Variants in HS2ST1 observed in about 807,000 individuals in gnomAD.
HS2ST1 encodes the protein heparan sulfate 2-O-sulfotransferase 1, also known as 2-O-sulfotransferase.
HS2ST1 carries 18 observed loss-of-function variants against 42.9 expected under a neutral mutation model. The ratio of observed to expected loss-of-function variants is 0.42; its 90% confidence interval spans 0.29 to 0.62. HS2ST1 has a LOEUF of 0.62. Among genes scored for constraint, HS2ST1 ranks in the 20% least tolerant of loss-of-function variants. The probability of loss-of-function intolerance (pLI) is 0.21; values close to 1 mark genes in which losing one functional copy is unlikely to be tolerated. For missense variants in HS2ST1, 334 were observed against 433.8 expected (o/e 0.77, Z 2.04); for synonymous variants, 146 against 152.9 (o/e 0.95, Z 0.33).
intron 1 of HS2ST1, among the ~76,000 whole-genome samples, chr1:87,023,095 A>G (rs990213259): frequency 1.3e-5 from 2 of 152,244 alleles, no homozygotes; most frequent in East Asian, 1.9e-4. Flanking sequence ...ATTGTTCCCA[A>G]TATGTCAATT....
chr1:87,045,780 G>A, intron 1 of HS2ST1: 1 of 907,838 alleles, frequency 1.1e-6, no homozygotes, highest in Non-Finnish European at 1.8e-6. Flanking sequence ...GTTTGTAGCA[G>A]AGGTAACAAA....
chr1:87,095,740 G>C (rs528101605), intron 4 of HS2ST1, among the ~76,000 whole-genome samples: 142 of 151,838 alleles, frequency 9.4e-4, no homozygotes, highest in African/African-American at 3.2e-3. Context: ...GTTTTGTTTT[G>C]TTTTGTTTTG....
At chr1:86,935,978 A>G (rs1265409463) in intron 1 of HS2ST1, among the ~76,000 whole-genome samples, 1 of 152,198 alleles carries the variant, frequency 6.6e-6, no homozygotes, top group African/African-American at 2.4e-5. Flanking sequence ...GTGGTATGAT[A>G]CTATTAATTA....
Position 87,060,585 on chromosome 1 carries a change from C to CAG in HS2ST1, c.125-12348_125-12347dup, listed in dbSNP as rs562431858. Among the ~76,000 whole-genome samples the CAG allele has an allele frequency of 1.2e-3, 181 of 152,230 alleles. 1 individual carries two copies. The highest frequency in any genetic ancestry group is 4.1e-3 in the African/African-American group (170 of 41,554). On this transcript the variant is annotated intron_variant, in intron 1 of 6. Coordinates refer to ENST00000370550, the MANE Select transcript of HS2ST1 (RefSeq NM_012262.4). ...GATATGATGTATATAAACCACAACACAGCATGGGTGTAACAGATGATATAC... is the reference window on the plus strand; with the variant it reads ...GATATGATGTATATAAACCACAACACAGAGCATGGGTGTAACAGATGATATAC...
chr1:87,024,649 C>T (rs1354966750), intron 1 of HS2ST1, among the ~76,000 whole-genome samples: 1 of 152,080 alleles, frequency 6.6e-6, no homozygotes, highest in Non-Finnish European at 1.5e-5. Context: ...AAATGTATCT[C>T]ATGGGATTGC....
chr1:87,074,951 G>A (rs1270268488), intron 2 of HS2ST1, among the ~76,000 whole-genome samples: 3 of 151,786 alleles, frequency 2.0e-5, no homozygotes, highest in African/African-American at 7.3e-5. Context: ...CTTCAAACAA[G>A]TTATATTTAC....
intron 1 of HS2ST1, among the ~76,000 whole-genome samples, chr1:86,920,912 A>G (rs886089157): frequency 6.6e-6 from 1 of 152,154 alleles, no homozygotes; most frequent in African/African-American, 2.4e-5. Context: ...TTCTCCTGTC[A>G]CAATGTATTC....
intron 1 of HS2ST1, among the ~76,000 whole-genome samples, chr1:87,041,261 A>C (rs1266440349): frequency 1.2e-4 from 16 of 135,116 alleles, no homozygotes; most frequent in African/African-American, 4.3e-4. Flanking sequence ...AAAAGTGTGC[A>C]CCTGTACTCC....
chr1:86,937,085 A>G (rs1338454150), intron 1 of HS2ST1, among the ~76,000 whole-genome samples: 1 of 152,112 alleles, frequency 6.6e-6, no homozygotes, highest in Non-Finnish European at 1.5e-5. Flanking sequence ...AGCCTGGGCA[A>G]CAGAGCAAGA....
chr1:87,014,543 A>G (rs1304551825), intron 1 of HS2ST1, among the ~76,000 whole-genome samples: 1 of 152,236 alleles, frequency 6.6e-6, no homozygotes, highest in African/African-American at 2.4e-5. Context: ...TAGAACAGCT[A>G]TATAGTGTAA....
chr1:87,101,711 G>T (rs1360982654), intron 5 of HS2ST1, among the ~76,000 whole-genome samples: 1 of 152,078 alleles, frequency 6.6e-6, no homozygotes, highest in East Asian at 1.9e-4. Context: ...CTTCTTCTGA[G>T]CCCTTCAAAT....
At chr1:87,070,887 A>G (rs547030669) in intron 1 of HS2ST1, among the ~76,000 whole-genome samples, 4 of 152,168 alleles carry the variant, frequency 2.6e-5, no homozygotes, top group African/African-American at 9.6e-5. Flanking sequence ...TACATACTGT[A>G]TATTGTCTAG....
At chr1:87,057,870 GA>G (rs935961543) in intron 1 of HS2ST1, among the ~76,000 whole-genome samples, 6 of 150,978 alleles carry the variant, frequency 4.0e-5, no homozygotes, top group South Asian at 2.1e-4. Context: ...AAAAGAGAGA[GA>G]AAAAAAACTG....
At position 87,104,652 on chromosome 1, in the gene HS2ST1, G is replaced by A. The variant is rs201845372; in HGVS notation, c.1027G>A (p.Ala343Thr). ...AAAAGATGGAGACCTCTACATCCTC[G>A]CACAAAACTTTTTCTATGAAAAGAT... ...REKDGDLYILAQNFFYEKIYP... is the reference protein window; with the variant it reads ...REKDGDLYILTQNFFYEKIYP... The change falls in exon 7 of 7, where the codon GCA (alanine) becomes ACA (threonine). Residue 343 changes from alanine (A) to threonine (T), a missense_variant. By Grantham distance (58) the Ala-to-Thr change is moderately conservative. Transcript: ENST00000370550. The A allele has an allele frequency of 6.2e-6, 10 of 1,612,898 alleles. No homozygotes were observed. The highest frequency in any genetic ancestry group is 1.3e-5 in the African/African-American group (1 of 74,850).
At chr1:87,054,211 C>G (rs547933660) in intron 1 of HS2ST1, among the ~76,000 whole-genome samples, 1 of 152,206 alleles carries the variant, frequency 6.6e-6, no homozygotes, top group African/African-American at 2.4e-5. Flanking sequence ...CCTATTTTGG[C>G]CATTACCCTA....
chr1:86,974,233 C>T (rs1026680564), intron 1 of HS2ST1, among the ~76,000 whole-genome samples: 5 of 152,120 alleles, frequency 3.3e-5, no homozygotes, highest in Admixed American at 2.0e-4. Flanking sequence ...CAGCCCCACT[C>T]CCATCTTCTG....
chr1:86,968,174 T>C (rs1022618082), intron 1 of HS2ST1, among the ~76,000 whole-genome samples: 5 of 152,226 alleles, frequency 3.3e-5, no homozygotes, highest in Non-Finnish European at 5.9e-5. Context: ...TCCTTGGAGA[T>C]TGTGGATACT....
intron 1 of HS2ST1, among the ~76,000 whole-genome samples, chr1:86,936,719 A>G (rs1019373989): frequency 2.6e-5 from 4 of 152,102 alleles, no homozygotes; most frequent in African/African-American, 9.7e-5. Flanking sequence ...ATTCTCTTCT[A>G]TTGCAATAGA....
At chr1:86,981,537 A>G (rs1291442773) in intron 1 of HS2ST1, among the ~76,000 whole-genome samples, 1 of 152,210 alleles carries the variant, frequency 6.6e-6, no homozygotes, top group Non-Finnish European at 1.5e-5. Flanking sequence ...TCCCATTGCA[A>G]CTTGGAGAAA....
Sources: gnomAD v4.1 joint callset for allele counts (sites outside exome capture counted in the v4.1 genomes callset) on GRCh38, gnomAD v4.1.1 for gene constraint, MANE v1.5 for transcripts, NCBI Gene and HGNC (gene_info 2026-07-23, HGNC 2026-07-21) for gene names.